NEXMIF: variants seen among roughly 807,000 people sequenced by gnomAD.
NEXMIF encodes neurite extension and migration factor.
A neutral mutation model predicts 62.1 loss-of-function variants in NEXMIF; 8 were observed. The ratio of observed to expected loss-of-function variants is 0.13; its 90% CI spans 0.08 to 0.23. NEXMIF has a LOEUF of 0.23. Among genes scored for constraint, NEXMIF ranks in the 10% least tolerant of loss-of-function variants. The pLI, the probability that NEXMIF is intolerant of heterozygous loss-of-function variation, is 1.00. For missense variants in NEXMIF, 976 were observed against 1,113.3 expected (o/e 0.88, Z 1.75); for synonymous variants, 404 against 416.6 (o/e 0.97, Z 0.37).
chrX:74,748,206 T>A (rs1391906850), intron 1 of NEXMIF, among the ~76,000 whole-genome samples: 1 of 111,931 alleles, frequency 8.9e-6, no homozygotes, highest in Non-Finnish European at 1.9e-5. Context: ...GTCTATAACT[T>A]TTTTTGAAAA....
chrX:74,915,801 C>T (rs2080804593), intron 1 of NEXMIF, among the ~76,000 whole-genome samples: 1 of 111,019 alleles, frequency 9.0e-6, no homozygotes, highest in Non-Finnish European at 1.9e-5. Flanking sequence ...TAAAAAATTC[C>T]AGCAGCCCCT....
intron 1 of NEXMIF, among the ~76,000 whole-genome samples, chrX:74,880,447 C>T (rs904341928): frequency 2.4e-4 from 27 of 111,763 alleles, no homozygotes; most frequent in Non-Finnish European, 4.3e-4. Context: ...AACACCTGCC[C>T]TTGGTTATAA....
At chrX:74,878,225 C>T (rs1398616238) in intron 1 of NEXMIF, among the ~76,000 whole-genome samples, 3 of 110,749 alleles carry the variant, frequency 2.7e-5, no homozygotes, top group Non-Finnish European at 5.7e-5. Flanking sequence ...CCCTCAGCTG[C>T]AGGTCTGTTG....
chrX:74,754,112 C>T (rs898819721), intron 1 of NEXMIF, among the ~76,000 whole-genome samples: 2 of 107,788 alleles, frequency 1.9e-5, no homozygotes, highest in Non-Finnish European at 3.8e-5. Flanking sequence ...CAGGCATGCA[C>T]CACCACACCC....
At chrX:74,765,735 G>T (rs2080192701) in intron 1 of NEXMIF, among the ~76,000 whole-genome samples, 1 of 109,774 alleles carries the variant, frequency 9.1e-6, no homozygotes, top group Non-Finnish European at 1.9e-5. Context: ...TTTTCTTTAA[G>T]AATGTTGAGA....
chrX:74,782,724 C>G (rs1005751904), intron 1 of NEXMIF, among the ~76,000 whole-genome samples: 1 of 112,044 alleles, frequency 8.9e-6, no homozygotes, highest in Non-Finnish European at 1.9e-5. Flanking sequence ...CACTTAGTAA[C>G]ATTATACTCA....
intron 1 of NEXMIF, among the ~76,000 whole-genome samples, chrX:74,883,783 G>A (rs767657089): frequency 1.8e-5 from 2 of 111,369 alleles, no homozygotes; most frequent in African/African-American, 6.5e-5. Context: ...TCAAATACAG[G>A]AAATACAGAG....
chrX:74,850,940 C>A (rs1444561251), intron 1 of NEXMIF, among the ~76,000 whole-genome samples: 4 of 109,764 alleles, frequency 3.6e-5, no homozygotes, highest in African/African-American at 1.3e-4. Flanking sequence ...CAGTGAGAGA[C>A]AAGAGAACCT....
chrX:74,794,651 A>G (rs2080299647), intron 1 of NEXMIF, among the ~76,000 whole-genome samples: 1 of 111,611 alleles, frequency 9.0e-6, no homozygotes, highest in Non-Finnish European at 1.9e-5. Flanking sequence ...AGGACCCTCC[A>G]AGCCAGGTGC....
chrX:74,854,316 G>A (rs1018489471), intron 1 of NEXMIF, among the ~76,000 whole-genome samples: 7 of 111,789 alleles, frequency 6.3e-5, no homozygotes, highest in African/African-American at 2.3e-4. Context: ...ACAGAATGAC[G>A]GACAACAATA....
rs1449084344 is a variant in NEXMIF, at chrX:74,865,692, T to C, written c.-48+59191A>G. ...GGTCAGGTCCAGGGCCCCTCTGTTA[T>C]GTGCAGCCTAGGGACTTGGAGACCT... On this transcript the variant is annotated intron_variant, in intron 1 of 3. Transcript: ENST00000055682. Among the ~76,000 whole-genome samples, 3 of 112,071 alleles carry C rather than the reference T, an allele frequency of 2.7e-5. No individual in the cohort carries two copies. The East Asian group carries it at 8.5e-4, about 32-fold the overall frequency.
At chrX:74,869,412 C>G in intron 1 of NEXMIF, among the ~76,000 whole-genome samples, 1 of 111,878 alleles carries the variant, frequency 8.9e-6, no homozygotes, top group Non-Finnish European at 1.9e-5. Context: ...AGATCTGGAA[C>G]ATGACAAAGA....
intron 1 of NEXMIF, among the ~76,000 whole-genome samples, chrX:74,908,442 G>A (rs892352224): frequency 8.9e-6 from 1 of 112,109 alleles, no homozygotes; most frequent in Non-Finnish European, 1.9e-5. Flanking sequence ...TCATATCTAA[G>A]GTTATAATAT....
At chrX:74,846,616 C>A (rs937235536) in intron 1 of NEXMIF, among the ~76,000 whole-genome samples, 1 of 111,847 alleles carries the variant, frequency 8.9e-6, no homozygotes, top group South Asian at 3.7e-4. Flanking sequence ...TATTTTTAAA[C>A]GATTGAAGCT....
Position 74,741,099 on chromosome X carries a change from T to A in NEXMIF, c.3458A>T (p.Asn1153Ile). The change falls in exon 3 of 4, where the codon AAC (asparagine) becomes ATC (isoleucine). Residue 1153 changes from asparagine to isoleucine, a missense_variant. Asn to Ile is a moderately radical substitution (Grantham distance 149). Coordinates refer to ENST00000055682, the MANE Select transcript of NEXMIF (RefSeq NM_001008537.3). ...ATCATTAAATGTTGACAGGCAAGGGTTTTTTTGGAGCAGGCTGACAGAATC... is the reference window on the plus strand; with the variant it reads ...ATCATTAAATGTTGACAGGCAAGGGATTTTTTGGAGCAGGCTGACAGAATC... ...DEDSVSLLQKNPCLSTFNDPS... is the reference protein window; with the variant it reads ...DEDSVSLLQKIPCLSTFNDPS... 8.3e-7 allele frequency: 1 copy of A among 1,210,162 alleles called. No homozygotes were observed. Among genetic ancestry groups the A allele is most frequent in the Non-Finnish European group, 1.1e-6 (1 of 894,204 alleles).
chrX:74,751,623 C>CCCTTCCTTCCTTCCTTCCTTCCTT (rs781068385), intron 1 of NEXMIF, among the ~76,000 whole-genome samples: 17 of 87,314 alleles, frequency 1.9e-4, no homozygotes, highest in African/African-American at 7.4e-4. Flanking sequence ...TACCATCACG[C>CCCTTCCTTCCTTCCTTCCTTCCTT]CCTTCCTTCC....
At chrX:74,804,905 G>A (rs1213148424) in intron 1 of NEXMIF, among the ~76,000 whole-genome samples, 1 of 111,899 alleles carries the variant, frequency 8.9e-6, no homozygotes, top group East Asian at 2.8e-4. Context: ...AGGCTTGCTG[G>A]AACTCAAGTT....
rs2080117686 is a variant in NEXMIF, at chrX:74,744,095, C to T, written c.462G>A (p.Lys154=). ...TCCCTGGCTCAGGATCTACTGCATC[C>T]TTGGATTCCATGAAGCAGCCTAAGC... The part of the protein sequence containing the change: ...RTCLGCFMES[K]DAVDPEPGIS... Residue 154 remains lysine (K), a synonymous_variant, in exon 3 of 4, where the codon AAG becomes AAA. Transcript: ENST00000055682. The T allele has an allele frequency of 8.3e-7, 1 of 1,209,995 alleles. No individual in the cohort carries two copies. Among genetic ancestry groups the T allele is most frequent in the African/African-American group, 1.7e-5 (1 of 57,187 alleles).
chrX:74,812,362 C>A (rs757413752), intron 1 of NEXMIF, among the ~76,000 whole-genome samples: 1 of 111,776 alleles, frequency 8.9e-6, no homozygotes, highest in African/African-American at 3.3e-5. Flanking sequence ...ATGGCCTCTT[C>A]ATTAAAAAAA....
Sources: gnomAD v4.1 joint callset for allele counts (sites outside exome capture counted in the v4.1 genomes callset) on GRCh38, gnomAD v4.1.1 for gene constraint, MANE v1.5 for transcripts, NCBI Gene and HGNC (gene_info 2026-07-23, HGNC 2026-07-21) for gene names.